Variants in NET1 observed in about 807,000 individuals in gnomAD.
NET1 encodes the protein neuroepithelial cell-transforming gene 1 protein.
In NET1, 42 loss-of-function variants were observed where a neutral mutation model predicts 61.1. The ratio of observed to expected loss-of-function variants is 0.69; its 90% CI spans 0.54 to 0.89. The LOEUF is 0.89. Ranked by LOEUF, NET1 falls within the 40% of genes least tolerant of loss-of-function variation. The pLI is 0.00. For missense variants in NET1, 654 were observed against 747.3 expected, an observed-to-expected ratio of 0.88 and a Z score of 1.46; for synonymous variants, 254 against 281.8, an observed-to-expected ratio of 0.90 and a Z score of 0.99.
In NET1 at chr10:5,453,052, G is replaced by A. The variant is rs1316023127; in HGVS notation, c.594+132G>A. 5.4e-6 allele frequency: 4 copies of A among 742,110 alleles called. No individual in the cohort carries two copies. Among genetic ancestry groups the A allele is most frequent in the African/African-American group, 3.5e-5 (2 of 56,408 alleles). The allele number at this position is 742,110 out of a possible 1,614,324, so 46.0% of individuals were successfully genotyped here. ...CTACTGGTGAATACATTTTTTTTAG[G>A]TGAGGTCTAGACACATCCTCAAATA... On this transcript the variant is annotated intron_variant, in intron 6 of 11. Transcript: ENST00000355029. The surrounding 1 kb of genome is among the most constrained non-coding windows in gnomAD (Gnocchi z 4.9).
rs1284199603 is a variant in NET1, at chr10:5,443,372, T to C, written c.256-8458T>C. Among the ~76,000 whole-genome samples, 1 of 152,202 alleles carries C rather than the reference T, an allele frequency of 6.6e-6. No individual in the cohort carries two copies. The highest frequency in any genetic ancestry group is 1.5e-5 in the Non-Finnish European group (1 of 68,042). On this transcript the variant is annotated intron_variant, in intron 3 of 11. Transcript: ENST00000355029. The surrounding 1 kb of genome is among the most constrained non-coding windows in gnomAD (Gnocchi z 4.8). The stretch of plus-strand genomic sequence containing the variant: ...GTATAAAGCTCTAGCACAAAGTAAT[T>C]GAGATAATAAGTACTTCATAGAGTT...
chr10:5,413,056 G>A (rs61854767), intron 1 of NET1, among the ~76,000 whole-genome samples: 1 of 142,288 alleles, frequency 7.0e-6, no homozygotes, highest in Non-Finnish European at 1.6e-5. Flanking sequence ...GACGGGGGCC[G>A]CTGGAAGTGA....
rs55784274 is a variant in NET1, at chr10:5,415,440, C to CTTT, written c.128+2630_128+2632dup. Among the ~76,000 whole-genome samples the CTTT allele has an allele frequency of 0.96, 139,570 of 145,214 alleles. 67,205 individuals carry two copies. The highest frequency in any genetic ancestry group is 0.99 in the Non-Finnish European group (66,412 of 66,944). On this transcript the variant is annotated intron_variant, in intron 1 of 11. Coordinates refer to ENST00000355029, the MANE Select transcript of NET1 (RefSeq NM_001047160.3). The surrounding 1 kb of genome is among the most constrained non-coding windows in gnomAD (Gnocchi z 4.7). ...CATTTTTGGTGGGCCATCCTTTGCT[C>CTTT]TTTTTTTTTTTTCTTTTGAGACGGA...
chr10:5,412,766 C>A lies in NET1; in HGVS notation c.74C>A (p.Thr25Lys), dbSNP rs544068938. Residue 25 changes from threonine to lysine, a missense_variant, in exon 1 of 12, where the codon ACG (threonine) becomes AAG (lysine). Coordinates refer to ENST00000355029, the MANE Select transcript of NET1 (RefSeq NM_001047160.3). This position sits in a 1 kb window ranked among gnomAD's most constrained non-coding sequence, Gnocchi z 6.5. ...RRSRRASGLS[T>K]EGATGPSADT... ...AGCCGCCGGGCCTCTGGGCTCAGCACGGAGGGAGCGACGGGGCCTTCGGCC... is the reference window on the plus strand; with the variant it reads ...AGCCGCCGGGCCTCTGGGCTCAGCAAGGAGGGAGCGACGGGGCCTTCGGCC... 105 of 1,468,460 alleles carry A rather than the reference C, an allele frequency of 7.2e-5. No homozygotes were observed. In the East Asian group the frequency reaches 9.1e-4, roughly 13 times the overall value. The allele number at this position is 1,468,460 out of a possible 1,614,324, so 91.0% of individuals were successfully genotyped here.
Position 5,417,031 on chromosome 10 carries a change from G to A in NET1, c.128+4211G>A, listed in dbSNP as rs534212114. Among the ~76,000 whole-genome samples, 50 of 152,330 alleles carry A rather than the reference G, an allele frequency of 3.3e-4. No individual in the cohort carries two copies. Among genetic ancestry groups the A allele is most frequent in the African/African-American group, 1.2e-3 (48 of 41,580 alleles). On this transcript the variant is annotated intron_variant, in intron 1 of 11. Coordinates refer to ENST00000355029, the MANE Select transcript of NET1 (RefSeq NM_001047160.3). The surrounding 1 kb of genome is among the most constrained non-coding windows in gnomAD (Gnocchi z 5.5). ...GATAATGATTGCAAGCTTTTATAGA[G>A]TGGAAGTAGCTCTCAGCAGATGGGG...
At position 5,442,863 on chromosome 10, in the gene NET1, C is replaced by A. The variant is rs59768991; in HGVS notation, c.256-8967C>A. 7.4e-3 allele frequency among the ~76,000 whole-genome samples: 977 copies of A among 131,752 alleles called. 36 individuals carry two copies. The East Asian group carries it at 0.12, about 16-fold the overall frequency. 86.4% of individuals were successfully genotyped at this position (131,752 alleles called of 152,430 possible). The stretch of plus-strand genomic sequence containing the variant: ...TGGCACTCCAGCCTGGACAACAGAG[C>A]AAGACCCTGTCTTTAAAAAAAAAAA... On this transcript the variant is annotated intron_variant, in intron 3 of 11. Coordinates refer to ENST00000355029, the MANE Select transcript of NET1 (RefSeq NM_001047160.3).
rs1175002168 is a variant in NET1 at position 5,423,129 on chromosome 10, A to G, written c.129-3526A>G. On this transcript the variant is annotated intron_variant, in intron 1 of 11. Coordinates refer to ENST00000355029, the MANE Select transcript of NET1 (RefSeq NM_001047160.3). This position sits in a 1 kb window ranked among gnomAD's most constrained non-coding sequence, Gnocchi z 4.4. Reference sequence around the variant, plus strand: ...AATAAATGATAACATTATCCTTTTTAAAATCTTTTTCTGAAACTCGTTTTC... The same window carrying G: ...AATAAATGATAACATTATCCTTTTTGAAATCTTTTTCTGAAACTCGTTTTC... Among the ~76,000 whole-genome samples, 1 of 152,202 alleles carries G rather than the reference A, an allele frequency of 6.6e-6. No homozygotes were observed. The highest frequency in any genetic ancestry group is 1.5e-5 in the Non-Finnish European group (1 of 68,022).
At position 5,452,609 on chromosome 10, in the gene NET1, T is replaced by G; in HGVS notation, c.531+84T>G. 1 of 1,390,776 alleles carries G rather than the reference T, an allele frequency of 7.2e-7. No individual in the cohort carries two copies. Among genetic ancestry groups the G allele is most frequent in the East Asian group, 2.4e-5 (1 of 42,296 alleles). 86.2% of individuals were successfully genotyped at this position (1,390,776 alleles called of 1,614,324 possible). A position where few individuals can be genotyped will look rare whatever the true frequency, so the allele number is the denominator to read the frequency against. On this transcript the variant is annotated intron_variant, in intron 5 of 11. Coordinates refer to ENST00000355029, the MANE Select transcript of NET1 (RefSeq NM_001047160.3). This position sits in a 1 kb window ranked among gnomAD's most constrained non-coding sequence, Gnocchi z 4.0. ...CAAAATTAACTTGGATTTTTGTGTT[T>G]GAGCAACAATTCCTAATACATGGTG...
At position 5,452,208 on chromosome 10, in the gene NET1, T is replaced by TG; in HGVS notation, c.364-148dup. On this transcript the variant is annotated intron_variant, in intron 4 of 11. Coordinates refer to ENST00000355029, the MANE Select transcript of NET1 (RefSeq NM_001047160.3). This position sits in a 1 kb window ranked among gnomAD's most constrained non-coding sequence, Gnocchi z 4.0. ...ATTTTAGCTGATAAATATTTAAGAT[T>TG]GGTAGGTGGAAACTTGGATAAATTA... The TG allele has an allele frequency of 1.3e-6, 1 of 746,772 alleles. No homozygotes were observed. The highest frequency in any genetic ancestry group is 2.0e-6 in the Non-Finnish European group (1 of 496,648). 46.3% of individuals were successfully genotyped at this position (746,772 alleles called of 1,614,324 possible).
Position 5,412,573 on chromosome 10 carries a change from G to A in NET1, c.-120G>A. 9.4e-7 allele frequency: 1 copy of A among 1,068,056 alleles called. No individual in the cohort carries two copies. The highest frequency in any genetic ancestry group is 1.3e-6 in the Non-Finnish European group (1 of 788,926). The allele number at this position is 1,068,056 out of a possible 1,614,324, so 66.2% of individuals were successfully genotyped here. A position where few individuals can be genotyped will look rare whatever the true frequency, so the allele number is the denominator to read the frequency against. ...GCCATTTTCAAATCCCCGGATGACG[G>A]CGGTGGCGGCTGCAGTCCGCTGACA... is the stretch of plus-strand genomic sequence containing the variant. On this transcript the variant is annotated 5_prime_UTR_variant, in exon 1 of 12. Transcript: ENST00000355029. This position sits in a 1 kb window ranked among gnomAD's most constrained non-coding sequence, Gnocchi z 6.5.
Position 5,426,788 on chromosome 10 carries a change from C to A in NET1, c.195+67C>A. On this transcript the variant is annotated intron_variant, in intron 2 of 11. Coordinates refer to ENST00000355029, the MANE Select transcript of NET1 (RefSeq NM_001047160.3). This position sits in a 1 kb window ranked among gnomAD's most constrained non-coding sequence, Gnocchi z 4.6. ...AATTAATTCCCTGGTTTCTTTCAGT[C>A]TGTTACACAGATCAGTGGTCCTTAC... 1 of 1,137,394 alleles carries A rather than the reference C, an allele frequency of 8.8e-7. No individual in the cohort carries two copies. The highest frequency in any genetic ancestry group is 1.3e-6 in the Non-Finnish European group (1 of 793,378). 70.5% of individuals were successfully genotyped at this position (1,137,394 alleles called of 1,614,324 possible).
intron 1 of NET1, among the ~76,000 whole-genome samples, chr10:5,419,879 TC>T (rs1832143418): frequency 1.4e-5 from 2 of 140,332 alleles, no homozygotes; most frequent in African/African-American, 2.6e-5. Context: ...TGTTAAGAAG[TC>T]AGAATCTTTT....
At chr10:5,429,867 GGA>G (rs945783074) in intron 3 of NET1, among the ~76,000 whole-genome samples, 10 of 148,878 alleles carry the variant, frequency 6.7e-5, no homozygotes, top group African/African-American at 2.4e-4. Context: ...TCTTGGTTTT[GGA>G]GAGTCTTTTT....
rs927610285 is a variant in NET1 at position 5,443,867 on chromosome 10, G to C, written c.256-7963G>C. 6.6e-6 allele frequency among the ~76,000 whole-genome samples: 1 copy of C among 152,216 alleles called. No homozygotes were observed. The highest frequency in any genetic ancestry group is 3.2e-3 in the Middle Eastern group (1 of 316). ...TAAGTGGAAAAACAGTTTCAAGAAA[G>C]ACATCGGGTAAGAATCCCAGGAGAA... On this transcript the variant is annotated intron_variant, in intron 3 of 11. Coordinates refer to ENST00000355029, the MANE Select transcript of NET1 (RefSeq NM_001047160.3). This position sits in a 1 kb window ranked among gnomAD's most constrained non-coding sequence, Gnocchi z 4.8.
In NET1 at chr10:5,453,329, A is replaced by C. The variant is rs771925361; in HGVS notation, c.674A>C (p.Tyr225Ser). The C allele has an allele frequency of 6.2e-7, 1 of 1,610,254 alleles. No individual in the cohort carries two copies. The highest frequency in any genetic ancestry group is 8.5e-7 in the Non-Finnish European group (1 of 1,176,582). Residue 225 changes from tyrosine to serine, a missense_variant, in exon 7 of 12, where the codon TAC (tyrosine) becomes TCC (serine). Tyr to Ser is a moderately radical substitution (Grantham distance 144, BLOSUM62 -2). Coordinates refer to ENST00000355029, the MANE Select transcript of NET1 (RefSeq NM_001047160.3). The surrounding 1 kb of genome is among the most constrained non-coding windows in gnomAD (Gnocchi z 4.9). Reference sequence around the variant, plus strand: ...CATATATTTGGTGATCTGGACTCTTACATACCTCTGCATGAAGGTTAGATG... The same window carrying C: ...CATATATTTGGTGATCTGGACTCTTCCATACCTCTGCATGAAGGTTAGATG... ...LTHIFGDLDS[Y>S]IPLHEDLLTR...
At chr10:5,442,877 TAAAAAAAAA>T (rs11377037) in intron 3 of NET1, among the ~76,000 whole-genome samples, 5 of 141,600 alleles carry the variant, frequency 3.5e-5, no homozygotes, top group African/African-American at 1.3e-4. Flanking sequence ...ACCCTGTCTT[TAAAAAAAAA>T]AAAAAAGAAA....
Position 5,453,013 on chromosome 10 carries a change from AG to A in NET1, c.594+94del, listed in dbSNP as rs1382574636. 3 of 932,722 alleles carry A rather than the reference AG, an allele frequency of 3.2e-6. No homozygotes were observed. In the African/African-American group the frequency reaches 5.0e-5, roughly 15 times the overall value. 57.8% of individuals were successfully genotyped at this position (932,722 alleles called of 1,614,324 possible). On this transcript the variant is annotated intron_variant, in intron 6 of 11. Transcript: ENST00000355029. This position sits in a 1 kb window ranked among gnomAD's most constrained non-coding sequence, Gnocchi z 4.9. ...AGTTTTCTTAACCTTTAGAAGTAGAAGAATAGAAAATATCTACTGGTGAATA... is the reference window on the plus strand; with the variant it reads ...AGTTTTCTTAACCTTTAGAAGTAGAAAATAGAAAATATCTACTGGTGAATA...
Position 5,454,543 on chromosome 10 carries a change from T to G in NET1, c.1026+21T>G. 1 of 1,594,826 alleles carries G rather than the reference T, an allele frequency of 6.3e-7. No homozygotes were observed. The highest frequency in any genetic ancestry group is 8.5e-7 in the Non-Finnish European group (1 of 1,173,124). ...ATGCTGTAAGTAGTCCCTTAAGTGA[T>G]TGTTTTGTTTTTTAAGTTTATACAT... On this transcript the variant is annotated intron_variant, in intron 9 of 11. Coordinates refer to ENST00000355029, the MANE Select transcript of NET1 (RefSeq NM_001047160.3). The surrounding 1 kb of genome is among the most constrained non-coding windows in gnomAD (Gnocchi z 8.1).
chr10:5,452,209 G>A lies in NET1; in HGVS notation c.364-149G>A, dbSNP rs1832715708. ...TTTTAGCTGATAAATATTTAAGATT[G>A]GTAGGTGGAAACTTGGATAAATTAT... On this transcript the variant is annotated intron_variant, in intron 4 of 11. Transcript: ENST00000355029. This position sits in a 1 kb window ranked among gnomAD's most constrained non-coding sequence, Gnocchi z 4.0. 6.7e-6 allele frequency: 5 copies of A among 745,826 alleles called. No homozygotes were observed. In the South Asian group the frequency reaches 1.4e-4, roughly 21 times the overall value. 46.2% of individuals were successfully genotyped at this position (745,826 alleles called of 1,614,324 possible). A position where few individuals can be genotyped will look rare whatever the true frequency, so the allele number is the denominator to read the frequency against.
Sources: allele counts gnomAD v4.1 joint callset (sites outside exome capture counted in the v4.1 genomes callset), GRCh38; gene constraint gnomAD v4.1.1; non-coding constraint Gnocchi (gnomAD v3.1); transcripts MANE v1.5; gene names NCBI Gene and HGNC (gene_info 2026-07-23, HGNC 2026-07-21).